LMO2: variants seen among roughly 807,000 people sequenced by gnomAD.
LMO2 encodes the protein rhombotin-2.
In LMO2, 20 loss-of-function variants were observed where a neutral mutation model predicts 23.2. That is an observed-to-expected ratio of 0.86 (90% CI 0.61 to 1.25). LMO2 has a LOEUF of 1.25. Among genes scored for constraint, LMO2 ranks in the 50% most tolerant of loss-of-function variants. LMO2 has a pLI of 0.00. For synonymous variants in LMO2, 123 were observed against 130.2 expected (o/e 0.94, Z 0.38); for missense variants, 270 against 315.3 (o/e 0.86, Z 1.09).
chr11:33,869,278 C>G (rs904741097), intron 4 of LMO2, 68 bp downstream of exon 4: 1 of 1,097,016 alleles, frequency 9.1e-7, no homozygotes, highest in Non-Finnish European at 1.1e-6. Context: ...CCGCCCGGGT[C>G]CCCCCGACGC....
intron 4 of LMO2, among the ~76,000 whole-genome samples, chr11:33,866,986 T>C (rs1856810885): frequency 1.3e-5 from 2 of 152,204 alleles, no homozygotes; most frequent in African/African-American, 4.8e-5. Flanking sequence ...CAGCCCATGG[T>C]CTTACTCTGG....
chr11:33,864,792 T>C lies in LMO2; in HGVS notation c.274A>G (p.Ile92Val), dbSNP rs761466074. Residue 92 changes from isoleucine to valine, a missense_variant, in exon 5 of 6, where the codon ATC (isoleucine) becomes GTC (valine). Ile to Val is a conservative substitution (Grantham distance 29). Coordinates refer to ENST00000257818, the MANE Select transcript of LMO2 (RefSeq NM_005574.4). The surrounding 1 kb of genome is among the most constrained non-coding windows in gnomAD (Gnocchi z 4.8). ...SEEPVDEVLQ[I>V]PPSLLTCGGC... ...CCGCATGTCAGCAGGGATGGGGGGA[T>C]CTGCAGCACCTCATCCACTGGTTCC... The C allele has an allele frequency of 4.0e-5, 64 of 1,613,648 alleles. 1 individual carries two copies. The East Asian group carries it at 1.4e-3, about 35-fold the overall frequency.
intron 2 of LMO2, among the ~76,000 whole-genome samples, chr11:33,874,036 A>G (rs914853365): frequency 1.3e-5 from 2 of 152,176 alleles, no homozygotes; most frequent in African/African-American, 4.8e-5. Flanking sequence ...TGTGACATTC[A>G]TATACAAAAA....
intron 2 of LMO2, among the ~76,000 whole-genome samples, chr11:33,873,633 T>G (rs1013158447): frequency 1.3e-5 from 2 of 152,208 alleles, no homozygotes; most frequent in African/African-American, 4.8e-5. Context: ...CTCTATTTGA[T>G]CCCTGCCAGT....
At chr11:33,881,197 G>A (rs765569539) in intron 2 of LMO2, 9 of 456,986 alleles carry the variant, frequency 2.0e-5, no homozygotes, top group East Asian at 6.9e-5. Flanking sequence ...CGAGACTGCC[G>A]TGGGCCTGCT....
At chr11:33,861,088 C>G (rs1453984718) in intron 5 of LMO2, among the ~76,000 whole-genome samples, 1 of 152,190 alleles carries the variant, frequency 6.6e-6, no homozygotes, top group Non-Finnish European at 1.5e-5. Flanking sequence ...AACAACCAAA[C>G]GAAGCATGTC....
chr11:33,873,125 G>A (rs1264435528), intron 2 of LMO2, among the ~76,000 whole-genome samples: 5 of 152,062 alleles, frequency 3.3e-5, no homozygotes, highest in African/African-American at 1.2e-4. Context: ...TTTTGCATGG[G>A]GCTCAAGTCA....
chr11:33,885,592 C>T (rs1206526804), intron 1 of LMO2, among the ~76,000 whole-genome samples: 3 of 152,174 alleles, frequency 2.0e-5, no homozygotes, highest in Non-Finnish European at 4.4e-5. Context: ...CTTTGGGAGG[C>T]CCAGGAAGGG....
At position 33,859,344 on chromosome 11, in the gene LMO2, G is replaced by A. The variant is rs769922860; in HGVS notation, c.*12C>T. On this transcript the variant is annotated 3_prime_UTR_variant, in exon 6 of 6. Coordinates refer to ENST00000257818, the MANE Select transcript of LMO2 (RefSeq NM_005574.4). ...AGTGAACACCTCCCCAAAGATGCCC[G>A]GGGACTCGGGCCTATATCATCCCAT... 1.9e-5 allele frequency: 30 copies of A among 1,598,946 alleles called. No individual in the cohort carries two copies. The highest frequency in any genetic ancestry group is 1.7e-4 in the Middle Eastern group (1 of 5,916).
chr11:33,866,798 A>G (rs745775743), intron 4 of LMO2, among the ~76,000 whole-genome samples: 2 of 152,204 alleles, frequency 1.3e-5, no homozygotes, highest in Non-Finnish European at 2.9e-5. Flanking sequence ...GGTGTCCACC[A>G]CCAGGCCCAG....
chr11:33,870,043 G>C (rs1360317973), intron 2 of LMO2, 56 bp from the exon 3 acceptor site: 1 of 745,228 alleles, frequency 1.3e-6, no homozygotes, highest in Non-Finnish European at 1.7e-6. Flanking sequence ...ACAGCTGCCC[G>C]GTCCCCCCAC....
rs1856482882 is a variant in LMO2 at position 33,859,410 on chromosome 11, G to A, written c.630C>T (p.Asp210=). The change falls in exon 6 of 6, where the codon GAC becomes GAT. Residue 210 remains aspartate (D), a synonymous_variant. Coordinates refer to ENST00000257818, the MANE Select transcript of LMO2 (RefSeq NM_005574.4). ...VGDRYLLINS[D]IVCEQDIYEW... ...CGTAGATGTCCTGTTCGCACACTAT[G>A]TCAGAGTTGATGAGGAGGTATCTGT... 1 of 1,614,152 alleles carries A rather than the reference G, an allele frequency of 6.2e-7. No homozygotes were observed. The highest frequency in any genetic ancestry group is 8.5e-7 in the Non-Finnish European group (1 of 1,180,014).
intron 5 of LMO2, among the ~76,000 whole-genome samples, chr11:33,860,755 G>C (rs1856541648): frequency 6.6e-6 from 1 of 152,094 alleles, no homozygotes; most frequent in African/African-American, 2.4e-5. Context: ...GGGCCACAGA[G>C]CCATACCTTG....
intron 5 of LMO2, among the ~76,000 whole-genome samples, chr11:33,861,385 G>A (rs910911191): frequency 4.6e-5 from 7 of 152,208 alleles, no homozygotes; most frequent in Admixed American, 6.5e-5. Context: ...ATATTTGGGC[G>A]AGATTAATGG....
Position 33,869,883 on chromosome 11 carries a change from T to G in LMO2, c.-167A>C. 1 of 1,050,638 alleles carries G rather than the reference T, an allele frequency of 9.5e-7. No individual in the cohort carries two copies. Among genetic ancestry groups the G allele is most frequent in the Non-Finnish European group, 1.1e-6 (1 of 872,184 alleles). 65.1% of individuals were successfully genotyped at this position (1,050,638 alleles called of 1,614,324 possible). A position where few individuals can be genotyped will look rare whatever the true frequency, so the allele number is the denominator to read the frequency against. ...CGAGGGCAGAGAGGGGGCGGCGGCC[T>G]AGGGGCGGGGAGGGGACCGTGCGTC... On this transcript the variant is annotated 5_prime_UTR_variant, in exon 3 of 6. Coordinates refer to ENST00000257818, the MANE Select transcript of LMO2 (RefSeq NM_005574.4).
chr11:33,869,709 C>G lies in LMO2; in HGVS notation c.7+1G>C. ...GCTGCTGCTGCTGCTCAGGACTTAA[C>G]CTTCCATCCCGGTCCCGCCGCCGCC... On this transcript the variant is annotated splice_donor_variant, in intron 3 of 5. Coordinates refer to ENST00000257818, the MANE Select transcript of LMO2 (RefSeq NM_005574.4). LOFTEE classifies it high-confidence loss of function. 7.7e-7 allele frequency: 1 copy of G among 1,299,188 alleles called. No homozygotes were observed. Among genetic ancestry groups the G allele is most frequent in the South Asian group, 2.0e-5 (1 of 50,084 alleles). 80.5% of individuals were successfully genotyped at this position (1,299,188 alleles called of 1,614,324 possible). A position where few individuals can be genotyped will look rare whatever the true frequency, so the allele number is the denominator to read the frequency against.
chr11:33,869,603 G>T lies in LMO2; in HGVS notation c.8-17C>A. 7.8e-7 allele frequency: 1 copy of T among 1,281,380 alleles called. No homozygotes were observed. Among genetic ancestry groups the T allele is most frequent in the South Asian group, 2.1e-5 (1 of 46,762 alleles). 79.4% of individuals were successfully genotyped at this position (1,281,380 alleles called of 1,614,324 possible). A position where few individuals can be genotyped will look rare whatever the true frequency, so the allele number is the denominator to read the frequency against. ...CCGCGCTCCCTTCAAACGCCAAAGA[G>T]AGAGAGCGAATCACCGGGCTGCGGG... is the stretch of plus-strand genomic sequence containing the variant. On this transcript the variant is annotated splice_polypyrimidine_tract_variant and intron_variant, in intron 3 of 5. Transcript: ENST00000257818.
chr11:33,864,186 A>G lies in LMO2; in HGVS notation c.464+416T>C, dbSNP rs1856686689. Among the ~76,000 whole-genome samples the G allele has an allele frequency of 6.6e-6, 1 of 152,162 alleles. No individual in the cohort carries two copies. The highest frequency in any genetic ancestry group is 2.1e-4 in the South Asian group (1 of 4,830). On this transcript the variant is annotated intron_variant, in intron 5 of 5. Transcript: ENST00000257818. The surrounding 1 kb of genome is among the most constrained non-coding windows in gnomAD (Gnocchi z 4.8). ...GAGTCATACAAAAAAAATTTATAAC[A>G]TACATATATGTTCTGAAGCATTCAA...
Position 33,869,151 on chromosome 11 carries a change from G to C in LMO2, c.248+195C>G, listed in dbSNP as rs538638991. On this transcript the variant is annotated intron_variant, in intron 4 of 5. Coordinates refer to ENST00000257818, the MANE Select transcript of LMO2 (RefSeq NM_005574.4). Reference sequence around the variant, plus strand: ...GGGCCGACCCCTGTCCCTGCCGCCCGCCGCCCAGTCCCTCTCCCAGAGCCC... The same window carrying C: ...GGGCCGACCCCTGTCCCTGCCGCCCCCCGCCCAGTCCCTCTCCCAGAGCCC... 8.5e-5 allele frequency among the ~76,000 whole-genome samples: 13 copies of C among 152,196 alleles called. No individual in the cohort carries two copies. In the South Asian group the frequency reaches 2.7e-3, roughly 32 times the overall value.
Sources: gnomAD v4.1 joint callset for allele counts (sites outside exome capture counted in the v4.1 genomes callset) on GRCh38, gnomAD v4.1.1 for gene constraint, Gnocchi (gnomAD v3.1) non-coding constraint, MANE v1.5 for transcripts, NCBI Gene and HGNC (gene_info 2026-07-23, HGNC 2026-07-21) for gene names.